Variants in TSPAN9 observed in about 807,000 individuals in gnomAD.
The protein encoded by TSPAN9 is tetraspanin-9.
Under a neutral mutation model 31.0 loss-of-function variants are expected in TSPAN9, and 16 were observed. The observed-to-expected ratio is 0.52, with a 90% CI of 0.35 to 0.78. The LOEUF (loss-of-function observed/expected upper bound fraction) is 0.78, where lower values mean the gene tolerates loss of function less well. TSPAN9 is among the 30% of genes least tolerant of loss of function. The pLI is 0.01. For synonymous variants in TSPAN9, 145 were observed against 121.6 expected (o/e 1.19, Z -1.27); for missense variants, 272 against 312.5 (o/e 0.87, Z 0.98).
chr12:3,247,445 G>C (rs556596336), intron 3 of TSPAN9, among the ~76,000 whole-genome samples: 3 of 152,218 alleles, frequency 2.0e-5, no homozygotes, highest in Non-Finnish European at 4.4e-5. Flanking sequence ...TTCAGGGCAG[G>C]AGAAACCACA....
At chr12:3,223,935 A>G (rs1419334287) in intron 3 of TSPAN9, among the ~76,000 whole-genome samples, 1 of 152,046 alleles carries the variant, frequency 6.6e-6, no homozygotes, top group Non-Finnish European at 1.5e-5. Flanking sequence ...ATTCTGTGTC[A>G]TTGGTCTGAG....
intron 7 of TSPAN9, 104 bp downstream of exon 7, chr12:3,281,433 C>A: frequency 7.0e-7 from 1 of 1,429,086 alleles, no homozygotes. Flanking sequence ...AAGAGGTTGG[C>A]TGAATGTGGC....
chr12:3,206,960 C>G (rs1285964478), intron 3 of TSPAN9, among the ~76,000 whole-genome samples: 2 of 152,080 alleles, frequency 1.3e-5, no homozygotes, highest in African/African-American at 4.8e-5. Flanking sequence ...ACACATTGGT[C>G]CAGAGCCTAT....
chr12:3,153,888 G>C (rs796260366), intron 2 of TSPAN9, among the ~76,000 whole-genome samples: 4 of 147,734 alleles, frequency 2.7e-5, no homozygotes, highest in Non-Finnish European at 6.0e-5. Flanking sequence ...ATGTATCTCT[G>C]TCTGTTTCTC....
intron 3 of TSPAN9, among the ~76,000 whole-genome samples, chr12:3,260,999 G>T (rs772320345): frequency 6.6e-6 from 1 of 152,220 alleles, no homozygotes; most frequent in Non-Finnish European, 1.5e-5. Context: ...GGTCTGGAAG[G>T]TGTGATGTGC....
intron 2 of TSPAN9, among the ~76,000 whole-genome samples, chr12:3,182,123 C>T (rs1244491008): frequency 2.0e-5 from 3 of 152,042 alleles, no homozygotes; most frequent in Non-Finnish European, 4.4e-5. Context: ...ACCCCCGGCC[C>T]CCAGTCAACC....
intron 2 of TSPAN9, among the ~76,000 whole-genome samples, chr12:3,146,051 C>T (rs1042632132): frequency 5.3e-5 from 8 of 152,232 alleles, no homozygotes; most frequent in Admixed American, 3.3e-4. Flanking sequence ...AGGACGCTTT[C>T]CCACTTTGAG....
At chr12:3,238,531 C>A (rs568555651) in intron 3 of TSPAN9, among the ~76,000 whole-genome samples, 1 of 152,356 alleles carries the variant, frequency 6.6e-6, no homozygotes, top group East Asian at 1.9e-4. Flanking sequence ...CCTACATGGT[C>A]CTGTTACCCA....
chr12:3,156,033 T>G (rs1713883647), intron 2 of TSPAN9, among the ~76,000 whole-genome samples: 1 of 152,152 alleles, frequency 6.6e-6, no homozygotes, highest in African/African-American at 2.4e-5. Context: ...ACACCCAGTG[T>G]TATTTATTAG....
intron 2 of TSPAN9, among the ~76,000 whole-genome samples, chr12:3,113,846 C>T (rs2098320570): frequency 6.6e-6 from 1 of 152,236 alleles, no homozygotes; most frequent in Admixed American, 6.5e-5. Context: ...TCCATGTCCC[C>T]AGGTCCAGAG....
intron 3 of TSPAN9, among the ~76,000 whole-genome samples, chr12:3,239,434 T>C (rs894420384): frequency 1.3e-5 from 2 of 152,170 alleles, no homozygotes; most frequent in Non-Finnish European, 2.9e-5. Flanking sequence ...GTCTTAACTT[T>C]TACCCTCATT....
intron 3 of TSPAN9, among the ~76,000 whole-genome samples, chr12:3,256,574 G>A (rs1298586470): frequency 2.0e-5 from 3 of 152,252 alleles, no homozygotes; most frequent in Admixed American, 1.3e-4. Context: ...AGGGCTGGGA[G>A]GGCCGGATGA....
intron 3 of TSPAN9, among the ~76,000 whole-genome samples, chr12:3,266,557 G>C (rs988874516): frequency 1.3e-5 from 2 of 152,188 alleles, no homozygotes; most frequent in African/African-American, 4.8e-5. Flanking sequence ...AGCTTTCAAC[G>C]GAGTAACCTG....
In TSPAN9 at chr12:3,118,256, G is replaced by GTTTTTTTTTT. The variant is rs72307230; in HGVS notation, c.-18+34552_-18+34561dup. On this transcript the variant is annotated intron_variant, in intron 2 of 8. Transcript: ENST00000011898. ...ATTCCGCACCGCCCCTGCACCCGCC[G>GTTTTTTTTTT]TTTTTTTTTTTTTTTTTTTTTTTTG... Among the ~76,000 whole-genome samples the GTTTTTTTTTT allele has an allele frequency of 2.2e-3, 71 of 31,562 alleles. 17 individuals carry two copies. Among genetic ancestry groups the GTTTTTTTTTT allele is most frequent in the South Asian group, 6.2e-3 (2 of 324 alleles). 20.7% of individuals were successfully genotyped at this position (31,562 alleles called of 152,430 possible).
chr12:3,201,287 C>G (rs781038049), intron 3 of TSPAN9, 31 bp downstream of exon 3: 2 of 1,598,438 alleles, frequency 1.3e-6, no homozygotes, highest in South Asian at 2.2e-5. Context: ...CTCCCTTCGC[C>G]CTCTTCTCCT....
chr12:3,221,715 G>A (rs1271344352), intron 3 of TSPAN9, among the ~76,000 whole-genome samples: 1 of 152,070 alleles, frequency 6.6e-6, no homozygotes, highest in Non-Finnish European at 1.5e-5. Flanking sequence ...GAATCCAGTG[G>A]CATAATCACA....
In TSPAN9 at chr12:3,224,678, G is replaced by A. The variant is rs528405545; in HGVS notation, c.63+23422G>A. Among the ~76,000 whole-genome samples the A allele has an allele frequency of 2.4e-4, 37 of 152,360 alleles. No individual in the cohort carries two copies. In the East Asian group the frequency reaches 3.3e-3, roughly 14 times the overall value. On this transcript the variant is annotated intron_variant, in intron 3 of 8. Coordinates refer to ENST00000011898, the MANE Select transcript of TSPAN9 (RefSeq NM_006675.5). ...CCTGGGATCTCCGATGAGGCCTAGCGTCTGCTCATACCCAGATGCACGTAC... is the reference window on the plus strand; with the variant it reads ...CCTGGGATCTCCGATGAGGCCTAGCATCTGCTCATACCCAGATGCACGTAC...
At chr12:3,128,905 A>G (rs893077585) in intron 2 of TSPAN9, among the ~76,000 whole-genome samples, 4 of 152,170 alleles carry the variant, frequency 2.6e-5, no homozygotes, top group Admixed American at 2.0e-4. Flanking sequence ...CTGTGCACCC[A>G]TTAGATGATA....
intron 2 of TSPAN9, among the ~76,000 whole-genome samples, chr12:3,101,999 G>A (rs2098312058): frequency 6.6e-6 from 1 of 152,192 alleles, no homozygotes. Flanking sequence ...GGAAGCTCCT[G>A]AGGAGGTGTC....
Sources: gnomAD v4.1 joint callset for allele counts (sites outside exome capture counted in the v4.1 genomes callset) on GRCh38, gnomAD v4.1.1 for gene constraint, MANE v1.5 for transcripts, NCBI Gene and HGNC (gene_info 2026-07-23, HGNC 2026-07-21) for gene names.